The following COPG2 variants were observed in gnomAD, a reference collection of about 807,000 sequenced individuals.
COPG2 encodes coat protein complex I subunit gamma 2.
In COPG2, 37 loss-of-function variants were observed where a neutral mutation model predicts 46.3. The observed-to-expected ratio is 0.80, with a 90% confidence interval of 0.61 to 1.05. The LOEUF is 1.05. COPG2 is among the 50% of genes least tolerant of loss of function. The pLI, the probability that COPG2 is intolerant of heterozygous loss-of-function variation, is 0.00. For missense variants in COPG2, 427 were observed against 387.8 expected, an observed-to-expected ratio of 1.10 and a Z score of -0.85; for synonymous variants, 159 against 129.7, an observed-to-expected ratio of 1.23 and a Z score of -1.53.
At chr7:130,559,250 C>A (rs1431212372) in intron 12 of COPG2, among the ~76,000 whole-genome samples, 1 of 152,156 alleles carries the variant, frequency 6.6e-6, no homozygotes, top group African/African-American at 2.4e-5. Flanking sequence ...CTACCCAACC[C>A]ATTGCAGCTT....
At chr7:130,515,645 G>A (rs1270414755) in intron 20 of COPG2, among the ~76,000 whole-genome samples, 1 of 152,162 alleles carries the variant, frequency 6.6e-6, no homozygotes, top group Non-Finnish European at 1.5e-5. Context: ...AGCAACTGTT[G>A]TGTTAGGGTC....
At chr7:130,534,829 G>C (rs1489777659) in intron 20 of COPG2, among the ~76,000 whole-genome samples, 1 of 152,214 alleles carries the variant, frequency 6.6e-6, no homozygotes, top group South Asian at 2.1e-4. Context: ...GGGCTCACTG[G>C]GGCCCTATCC....
At chr7:130,576,002 G>A (rs1276157362) in intron 9 of COPG2, among the ~76,000 whole-genome samples, 2 of 152,190 alleles carry the variant, frequency 1.3e-5, no homozygotes, top group African/African-American at 4.8e-5. Context: ...AAAAGCCCTT[G>A]TCCAACAGGA....
intron 20 of COPG2, among the ~76,000 whole-genome samples, chr7:130,545,168 A>G (rs1443443003): frequency 1.1e-5 from 1 of 88,358 alleles, no homozygotes; most frequent in Non-Finnish European, 2.5e-5. Flanking sequence ...CAACTTACCT[A>G]TTATTTCATT....
At position 130,652,871 on chromosome 7, in the gene COPG2, G is replaced by A; in HGVS notation, c.321C>T (p.Ser107=). The A allele has an allele frequency of 6.3e-7, 1 of 1,590,720 alleles. No individual in the cohort carries two copies. The highest frequency in any genetic ancestry group is 8.6e-7 in the Non-Finnish European group (1 of 1,162,780). The change falls in exon 5 of 24, where the codon AGC becomes AGT. Residue 107 remains serine, a splice_region_variant and synonymous_variant. Transcript: ENST00000425248. ...TISEDVIIVT[S]SLTKDMTGKE... ...CTAGATTTTGACCATTTACATACCT[G>A]CTTGTGACAATTATCACATCCTCAG...
chr7:130,538,314 G>A (rs2116367666), intron 20 of COPG2, among the ~76,000 whole-genome samples: 1 of 152,256 alleles, frequency 6.6e-6, no homozygotes, highest in East Asian at 1.9e-4. Context: ...TGTGAGTGGG[G>A]TCAGGGAAGT....
At position 130,652,090 on chromosome 7, in the gene COPG2, T is replaced by C. The variant is rs372362839; in HGVS notation, c.323+779A>G. Among the ~76,000 whole-genome samples, 5 of 152,366 alleles carry C rather than the reference T, an allele frequency of 3.3e-5. No homozygotes were observed. The East Asian group carries it at 7.7e-4, about 23-fold the overall frequency. On this transcript the variant is annotated intron_variant, in intron 5 of 23. Coordinates refer to ENST00000425248, the MANE Select transcript of COPG2 (RefSeq NM_012133.6). ...TAAAATATTTTATAATATGATGATA[T>C]GGTTAATTAAATAATTTTATCAATG...
At chr7:130,589,892 T>C (rs1794361595) in intron 9 of COPG2, among the ~76,000 whole-genome samples, 1 of 152,204 alleles carries the variant, frequency 6.6e-6, no homozygotes, top group Admixed American at 6.5e-5. Flanking sequence ...AAGAGTTCTT[T>C]ATATATTTGG....
intron 20 of COPG2, among the ~76,000 whole-genome samples, chr7:130,524,725 A>G (rs1372813524): frequency 1.3e-5 from 2 of 152,092 alleles, no homozygotes; most frequent in Admixed American, 6.5e-5. Context: ...CAAGGAATGA[A>G]AGAGAGGTGG....
chr7:130,512,052 TAAAAAAAAAAAAAA>T (rs1182017221), intron 20 of COPG2, among the ~76,000 whole-genome samples: 1 of 99,150 alleles, frequency 1.0e-5, no homozygotes, highest in Non-Finnish European at 1.9e-5. Context: ...CTGTGTCTTC[TAAAAAAAAAAAAAA>T]AAAAAAAAAA....
At chr7:130,585,685 T>C (rs187763799) in intron 9 of COPG2, among the ~76,000 whole-genome samples, 128 of 152,024 alleles carry the variant, frequency 8.4e-4, no homozygotes, top group African/African-American at 2.8e-3. Context: ...CAAAAGAAGA[T>C]ATACAAATGA....
intron 9 of COPG2, among the ~76,000 whole-genome samples, chr7:130,590,447 G>C (rs560294863): frequency 6.6e-6 from 1 of 152,182 alleles, no homozygotes; most frequent in African/African-American, 2.4e-5. Context: ...TGGTGGAGAC[G>C]GGGTTTCGCT....
chr7:130,517,749 G>A (rs1799691241), intron 20 of COPG2, among the ~76,000 whole-genome samples: 2 of 152,218 alleles, frequency 1.3e-5, no homozygotes, highest in East Asian at 3.9e-4. Flanking sequence ...AGATATGATA[G>A]AGCATAACAG....
At chr7:130,613,706 A>G in intron 6 of COPG2, 70 bp from the exon 7 acceptor site, 2 of 1,020,848 alleles carry the variant, frequency 2.0e-6, no homozygotes, top group Non-Finnish European at 3.0e-6. Context: ...TTATGCTTCA[A>G]AATAATTTTC....
At chr7:130,653,201 A>ATC in intron 4 of COPG2, among the ~76,000 whole-genome samples, 1 of 152,218 alleles carries the variant, frequency 6.6e-6, no homozygotes, top group Non-Finnish European at 1.5e-5. Context: ...CTACTGAGAG[A>ATC]TACAAACTTA....
chr7:130,664,602 T>C (rs1053340639), intron 3 of COPG2, among the ~76,000 whole-genome samples: 10 of 152,250 alleles, frequency 6.6e-5, no homozygotes, highest in South Asian at 2.1e-4. Context: ...AACCTGTTTA[T>C]ATAGTTAATT....
At chr7:130,648,878 T>C (rs1473364210) in intron 5 of COPG2, among the ~76,000 whole-genome samples, 2 of 152,198 alleles carry the variant, frequency 1.3e-5, no homozygotes, top group Non-Finnish European at 2.9e-5. Context: ...GGGGCTCTGA[T>C]AGCCTTCTTT....
chr7:130,554,945 T>G (rs1303105575), intron 13 of COPG2, 92 bp downstream of exon 13: 1 of 397,658 alleles, frequency 2.5e-6, no homozygotes, highest in Non-Finnish European at 4.4e-6. Flanking sequence ...CATACTGAGA[T>G]GATAAGGAAA....
chr7:130,610,442 GAAGGGGT>G, intron 9 of COPG2: 1 of 447,238 alleles, frequency 2.2e-6, no homozygotes, highest in East Asian at 5.9e-5. Flanking sequence ...TCAGGCTGGG[GAAGGGGT>G]CTTCTTTGCT....
Sources: allele counts gnomAD v4.1 joint callset (sites outside exome capture counted in the v4.1 genomes callset), GRCh38; gene constraint gnomAD v4.1.1; transcripts MANE v1.5; gene names NCBI Gene and HGNC (gene_info 2026-07-23, HGNC 2026-07-21).